HS3ST5: variants seen among roughly 807,000 people sequenced by gnomAD.
The protein encoded by HS3ST5 is heparan sulfate glucosamine 3-O-sulfotransferase 5.
A neutral mutation model predicts 25.4 loss-of-function variants in HS3ST5; 10 were observed. The observed-to-expected ratio is 0.39, with a 90% confidence interval of 0.24 to 0.67. The LOEUF (loss-of-function observed/expected upper bound fraction) is 0.67, where lower values mean the gene tolerates loss of function less well. Ranked by LOEUF, HS3ST5 falls within the 30% of genes least tolerant of loss-of-function variation. The pLI, the probability that HS3ST5 is intolerant of heterozygous loss-of-function variation, is 0.44. For missense variants in HS3ST5, 324 were observed against 420.7 expected, an observed-to-expected ratio of 0.77 and a Z score of 2.01; for synonymous variants, 170 against 162.4, an observed-to-expected ratio of 1.05 and a Z score of -0.36.
chr6:114,064,603 G>A (rs1773339821), intron 3 of HS3ST5, among the ~76,000 whole-genome samples: 2 of 152,192 alleles, frequency 1.3e-5, no homozygotes, highest in East Asian at 1.9e-4. Context: ...TATGGAACAT[G>A]TCTTATGTGC....
chr6:114,201,592 C>A (rs560271949), intron 2 of HS3ST5, among the ~76,000 whole-genome samples: 21 of 152,130 alleles, frequency 1.4e-4, no homozygotes, highest in Non-Finnish European at 2.2e-4. Context: ...GATATTCCCC[C>A]ACATGGCTGC....
chr6:114,275,908 T>C (rs1773831446), intron 1 of HS3ST5, among the ~76,000 whole-genome samples: 1 of 152,018 alleles, frequency 6.6e-6, no homozygotes, highest in Non-Finnish European at 1.5e-5. Flanking sequence ...ACTTCTGTGA[T>C]AGGAAAAAGT....
At chr6:114,171,627 G>A (rs1233752331) in intron 2 of HS3ST5, among the ~76,000 whole-genome samples, 1 of 152,288 alleles carries the variant, frequency 6.6e-6, no homozygotes, top group Admixed American at 6.5e-5. Flanking sequence ...TTTTACAGAT[G>A]AATGAAGTGA....
chr6:114,148,459 AAAT>A (rs1224700055), intron 3 of HS3ST5, among the ~76,000 whole-genome samples: 6 of 152,104 alleles, frequency 3.9e-5, no homozygotes, highest in Non-Finnish European at 5.9e-5. Context: ...TCTCTATTAA[AAAT>A]ACAAAAAAAT....
intron 3 of HS3ST5, among the ~76,000 whole-genome samples, chr6:114,127,855 T>TATAGAG (rs1446156144): frequency 3.3e-4 from 48 of 147,084 alleles, no homozygotes; most frequent in Admixed American, 1.3e-3. Context: ...TATATATATA[T>TATAGAG]AGAGAGAGAG....
intron 3 of HS3ST5, among the ~76,000 whole-genome samples, chr6:114,090,299 G>T (rs1245675260): frequency 6.6e-6 from 1 of 152,072 alleles, no homozygotes; most frequent in African/African-American, 2.4e-5. Context: ...TTGGCAATCT[G>T]GTTTATTAGT....
At chr6:114,329,492 G>T (rs1776304758) in intron 1 of HS3ST5, among the ~76,000 whole-genome samples, 1 of 152,124 alleles carries the variant, frequency 6.6e-6, no homozygotes, top group South Asian at 2.1e-4. Flanking sequence ...TGATTTCTGT[G>T]TCCAAGGGGA....
intron 1 of HS3ST5, among the ~76,000 whole-genome samples, chr6:114,301,977 C>T (rs899262716): frequency 3.9e-5 from 6 of 152,168 alleles, no homozygotes; most frequent in Admixed American, 6.5e-5. Context: ...ATTAGATCTT[C>T]GCTGGCTTTC....
intron 3 of HS3ST5, among the ~76,000 whole-genome samples, chr6:114,081,227 A>G (rs781592220): frequency 3.9e-5 from 6 of 152,176 alleles, no homozygotes; most frequent in Non-Finnish European, 7.3e-5. Flanking sequence ...CACAACAGAT[A>G]TAATAATGAA....
chr6:114,190,310 T>G (rs1329730759), intron 2 of HS3ST5, among the ~76,000 whole-genome samples: 3 of 152,138 alleles, frequency 2.0e-5, no homozygotes, highest in Non-Finnish European at 4.4e-5. Flanking sequence ...TTTCTGGAAG[T>G]CCTTTGGTGG....
chr6:114,309,043 T>C (rs190395483), intron 1 of HS3ST5, among the ~76,000 whole-genome samples: 5 of 152,294 alleles, frequency 3.3e-5, no homozygotes, highest in Non-Finnish European at 5.9e-5. Flanking sequence ...ATCATACTCA[T>C]CTGGGACGTC....
At chr6:114,068,700 T>G (rs972131896) in intron 3 of HS3ST5, among the ~76,000 whole-genome samples, 15 of 152,220 alleles carry the variant, frequency 9.9e-5, no homozygotes, top group African/African-American at 3.6e-4. Flanking sequence ...GTTATACTGG[T>G]AATGGGAAAT....
chr6:114,142,794 G>T (rs1212784530), intron 3 of HS3ST5: 1 of 152,168 alleles, frequency 6.6e-6, no homozygotes, highest in Non-Finnish European at 1.5e-5. Context: ...TAGGGGATAG[G>T]GAAGCTTAAG....
At chr6:114,193,602 C>A (rs1350042889) in intron 2 of HS3ST5, among the ~76,000 whole-genome samples, 2 of 152,112 alleles carry the variant, frequency 1.3e-5, no homozygotes, top group Non-Finnish European at 2.9e-5. Context: ...ATTTCCTTAT[C>A]TATATAATAG....
At chr6:114,147,811 C>A (rs1778243435) in intron 3 of HS3ST5, among the ~76,000 whole-genome samples, 1 of 152,080 alleles carries the variant, frequency 6.6e-6, no homozygotes, top group Non-Finnish European at 1.5e-5. Flanking sequence ...GAACTCCTGA[C>A]CTCAAGTGAT....
At chr6:114,101,420 A>C (rs1246418022) in intron 3 of HS3ST5, among the ~76,000 whole-genome samples, 2 of 152,202 alleles carry the variant, frequency 1.3e-5, no homozygotes, top group African/African-American at 4.8e-5. Context: ...CATGCTCCTA[A>C]AAAAGCACCA....
rs183398142 is a variant in HS3ST5 at position 114,292,365 on chromosome 6, G to T, written c.-339+49830C>A. 2.6e-4 allele frequency among the ~76,000 whole-genome samples: 39 copies of T among 152,274 alleles called. No homozygotes were observed. In the East Asian group the frequency reaches 6.6e-3, roughly 26 times the overall value. Reference sequence around the variant, plus strand: ...AGGGCAAGAGAGGACAAAATGTTGTGTTCTCACATAGCAGAAGAATGAGAG... The same window carrying T: ...AGGGCAAGAGAGGACAAAATGTTGTTTTCTCACATAGCAGAAGAATGAGAG... On this transcript the variant is annotated intron_variant, in intron 1 of 4. Coordinates refer to ENST00000312719, the MANE Select transcript of HS3ST5 (RefSeq NM_153612.4).
chr6:114,137,643 C>A (rs945993249), intron 3 of HS3ST5, among the ~76,000 whole-genome samples: 13 of 152,086 alleles, frequency 8.5e-5, no homozygotes, highest in Non-Finnish European at 1.8e-4. Flanking sequence ...AAAGGAAATG[C>A]GATTTCTTAT....
At chr6:114,166,468 A>G (rs1779212752) in intron 3 of HS3ST5, among the ~76,000 whole-genome samples, 1 of 152,216 alleles carries the variant, frequency 6.6e-6, no homozygotes, top group Non-Finnish European at 1.5e-5. Flanking sequence ...TAAATTCTCC[A>G]AAACAATTTC....
Sources: allele counts gnomAD v4.1 joint callset (sites outside exome capture counted in the v4.1 genomes callset), GRCh38; gene constraint gnomAD v4.1.1; transcripts MANE v1.5; gene names NCBI Gene and HGNC (gene_info 2026-07-23, HGNC 2026-07-21).